ZMAT1: variants seen among roughly 807,000 people sequenced by gnomAD.
ZMAT1 encodes zinc finger matrin-type 1.
Under a neutral mutation model 18.5 loss-of-function variants are expected in ZMAT1, and 11 were observed. The observed-to-expected ratio is 0.59, with a 90% CI of 0.37 to 0.98. The LOEUF (loss-of-function observed/expected upper bound fraction) is 0.98, where lower values mean the gene tolerates loss of function less well. Ranked by LOEUF, ZMAT1 falls within the 50% of genes least tolerant of loss-of-function variation. ZMAT1 has a pLI of 0.01. For missense variants in ZMAT1, 525 were observed against 496.2 expected (o/e 1.06, Z -0.55); for synonymous variants, 211 against 176.4 (o/e 1.20, Z -1.55).
chrX:101,904,481 T>C, intron 1 of ZMAT1, 151 bp from the exon 2 acceptor site: 1 of 434,322 alleles, frequency 2.3e-6, no homozygotes, highest in Admixed American at 4.5e-5. Flanking sequence ...GAGTGTGCAA[T>C]TTAATATGCA....
chrX:101,915,711 A>AT, intron 1 of ZMAT1: 1 of 112,415 alleles, frequency 8.9e-6, no homozygotes, highest in East Asian at 2.8e-4. Context: ...CATGCCAGTC[A>AT]TAATGGTGAT....
At position 101,883,414 on chromosome X, in the gene ZMAT1, C is replaced by T. The variant is rs1926628626; in HGVS notation, c.*96G>A. On this transcript the variant is annotated 3_prime_UTR_variant, in exon 6 of 6. Transcript: ENST00000651725. ...TGTCCTGAAGTGACACTGACTGTATCTACCTCTCCTTTTCTTCATCAGGTG... is the reference window on the plus strand; with the variant it reads ...TGTCCTGAAGTGACACTGACTGTATTTACCTCTCCTTTTCTTCATCAGGTG... 1.4e-6 allele frequency: 1 copy of T among 694,897 alleles called. No individual in the cohort carries two copies. Among genetic ancestry groups the T allele is most frequent in the African/African-American group, 2.2e-5 (1 of 44,506 alleles). 57.3% of individuals were successfully genotyped at this position (694,897 alleles called of 1,213,427 possible).
chrX:101,925,040 T>C (rs781550531), intron 1 of ZMAT1, among the ~76,000 whole-genome samples: 1 of 111,859 alleles, frequency 8.9e-6, no homozygotes, highest in Non-Finnish European at 1.9e-5. Context: ...AAATAAAATA[T>C]TGAAAAAAAT....
At chrX:101,931,090 C>T (rs777101120) in intron 1 of ZMAT1, among the ~76,000 whole-genome samples, 2 of 111,501 alleles carry the variant, frequency 1.8e-5, no homozygotes, top group Non-Finnish European at 3.8e-5. Context: ...TAGTAGAGTC[C>T]CCTCCACCAG....
At chrX:101,916,472 T>C (rs1353594218) in intron 1 of ZMAT1, among the ~76,000 whole-genome samples, 1 of 111,931 alleles carries the variant, frequency 8.9e-6, no homozygotes, top group Non-Finnish European at 1.9e-5. Context: ...GGCATTAACT[T>C]AAGCAAAGAA....
Position 101,884,781 on chromosome X carries a change from T to C in ZMAT1, c.817A>G (p.Thr273Ala), listed in dbSNP as rs772266798. 1 of 1,205,362 alleles carries C rather than the reference T, an allele frequency of 8.3e-7. No homozygotes were observed. Among genetic ancestry groups the C allele is most frequent in the Non-Finnish European group, 1.1e-6 (1 of 890,177 alleles). ...VINLVKNSRKTQDSYQNECAD... is the reference protein window; with the variant it reads ...VINLVKNSRKAQDSYQNECAD... ...CACTCATTTTGGTAAGAGTCTTGTG[T>C]CTTCCTTGAATTCTTCACTAGATTG... Residue 273 changes from threonine to alanine, a missense_variant, in exon 6 of 6, where the codon ACA (threonine) becomes GCA (alanine). By Grantham distance (58) the Thr-to-Ala change is moderately conservative. Coordinates refer to ENST00000651725, the MANE Select transcript of ZMAT1 (RefSeq NM_001394560.1).
intron 2 of ZMAT1, among the ~76,000 whole-genome samples, chrX:101,901,225 TTCAAGGTAAACGA>T (rs1182227515): frequency 1.8e-5 from 2 of 111,135 alleles, no homozygotes; most frequent in African/African-American, 6.6e-5. Context: ...CTTTAGGGTT[TTCAAGGTAAACGA>T]TCATATCATC....
At chrX:101,924,707 A>G (rs1261610854) in intron 1 of ZMAT1, among the ~76,000 whole-genome samples, 2 of 112,277 alleles carry the variant, frequency 1.8e-5, no homozygotes, top group African/African-American at 6.5e-5. Context: ...TACTCAGGGT[A>G]TAAGAGGGTA....
chrX:101,920,214 T>C (rs1421574237), intron 1 of ZMAT1, among the ~76,000 whole-genome samples: 1 of 110,127 alleles, frequency 9.1e-6, no homozygotes, highest in Non-Finnish European at 1.9e-5. Context: ...AATTTTTTTA[T>C]TTTTTGTAGA....
At chrX:101,897,789 T>C in intron 4 of ZMAT1, 79 bp downstream of exon 4, 1 of 916,123 alleles carries the variant, frequency 1.1e-6, no homozygotes, top group South Asian at 2.8e-5. Flanking sequence ...TCTCCCCCAC[T>C]AAAAAGGATA....
chrX:101,896,069 A>G lies in ZMAT1; in HGVS notation c.676+1799T>C, dbSNP rs1414980648. Among the ~76,000 whole-genome samples the G allele has an allele frequency of 2.7e-5, 3 of 111,696 alleles. No individual in the cohort carries two copies. The East Asian group carries it at 8.4e-4, about 31-fold the overall frequency. ...TTCCTTCTGTGAGAATGGAAGTGTGAATATGAATTTGTCACCAAGTTTGAT... is the reference window on the plus strand; with the variant it reads ...TTCCTTCTGTGAGAATGGAAGTGTGGATATGAATTTGTCACCAAGTTTGAT... On this transcript the variant is annotated intron_variant, in intron 4 of 5. Coordinates refer to ENST00000651725, the MANE Select transcript of ZMAT1 (RefSeq NM_001394560.1).
intron 1 of ZMAT1, chrX:101,918,441 A>G (rs1929484659): frequency 2.0e-5 from 1 of 49,162 alleles, no homozygotes; most frequent in African/African-American, 8.0e-5. Flanking sequence ...CATCTCTACT[A>G]AAATACACAC....
At chrX:101,911,992 G>A (rs1929001575) in intron 1 of ZMAT1, 2 of 1,192,344 alleles carry the variant, frequency 1.7e-6, no homozygotes, top group Admixed American at 4.4e-5. Flanking sequence ...CAGGAGAGAA[G>A]CCATATGTGT....
In ZMAT1 at chrX:101,904,216, T is replaced by C; in HGVS notation, c.399+8A>G. ...CTTTAGACCCTACTTCCATTATTTT[T>C]AACCTACCTCATAATGTGAAATTCT... On this transcript the variant is annotated splice_region_variant and intron_variant, in intron 2 of 5. Transcript: ENST00000651725. 1 of 1,175,900 alleles carries C rather than the reference T, an allele frequency of 8.5e-7. No homozygotes were observed. Among genetic ancestry groups the C allele is most frequent in the Non-Finnish European group, 1.1e-6 (1 of 873,349 alleles).
chrX:101,895,710 T>C (rs1927753729), intron 4 of ZMAT1: 2 of 198,621 alleles, frequency 1.0e-5, no homozygotes, highest in African/African-American at 3.1e-5. Context: ...GAGTCATTAC[T>C]GGACTATTAA....
At chrX:101,894,672 A>AAG (rs764463639) in intron 4 of ZMAT1, 298 of 672,614 alleles carry the variant, frequency 4.4e-4, no homozygotes, top group Non-Finnish European at 4.9e-4. Context: ...TGAATAAAAA[A>AAG]AGAGCCCATA....
At chrX:101,899,039 G>A (rs1358203592) in intron 2 of ZMAT1, among the ~76,000 whole-genome samples, 2 of 110,132 alleles carry the variant, frequency 1.8e-5, no homozygotes, top group African/African-American at 3.3e-5. Context: ...CAGAGACTCT[G>A]TCTCAAAAAA....
At chrX:101,891,231 G>C (rs916350820) in intron 4 of ZMAT1, among the ~76,000 whole-genome samples, 4 of 111,871 alleles carry the variant, frequency 3.6e-5, no homozygotes, top group African/African-American at 1.3e-4. Context: ...GTTAGCGACA[G>C]AATGACTGTG....
Position 101,884,744 on chromosome X carries a change from A to T in ZMAT1, c.854T>A (p.Ile285Asn). ...DSYQNECADY[I>N]NVQKARGLEA... The stretch of plus-strand genomic sequence containing the variant: ...TAGTCCTCTGGCTTTCTGCACATTG[A>T]TGTAATCTGCACACTCATTTTGGTA... Residue 285 changes from isoleucine (I) to asparagine (N), a missense_variant, in exon 6 of 6, where the codon ATC becomes AAC. Transcript: ENST00000651725. 1 of 1,209,782 alleles carries T rather than the reference A, an allele frequency of 8.3e-7. No individual in the cohort carries two copies. Among genetic ancestry groups the T allele is most frequent in the Non-Finnish European group, 1.1e-6 (1 of 893,954 alleles).
Sources: gnomAD v4.1 joint callset for allele counts (sites outside exome capture counted in the v4.1 genomes callset) on GRCh38, gnomAD v4.1.1 for gene constraint, MANE v1.5 for transcripts, NCBI Gene and HGNC (gene_info 2026-07-23, HGNC 2026-07-21) for gene names.